The following ANO3 variants were observed in gnomAD, a reference collection of about 807,000 sequenced individuals.
ANO3 encodes the protein anoctamin 3.
Under a neutral mutation model 144.8 loss-of-function variants are expected in ANO3, and 99 were observed. That is an observed-to-expected ratio of 0.68 (90% confidence interval 0.58 to 0.81). The LOEUF is 0.81. Ranked by LOEUF, ANO3 falls within the 30% of genes least tolerant of loss-of-function variation. ANO3 has a pLI of 0.00. For synonymous variants in ANO3, 414 were observed against 392.6 expected, an observed-to-expected ratio of 1.05 and a Z score of -0.64; for missense variants, 905 against 1,202.2, an observed-to-expected ratio of 0.75 and a Z score of 3.66.
chr11:26,451,579 C>A (rs1043988413), intron 3 of ANO3, among the ~76,000 whole-genome samples: 3 of 152,210 alleles, frequency 2.0e-5, no homozygotes, highest in Admixed American at 6.5e-5. Context: ...ACAAAGCAGG[C>A]AGGAAGCTCC....
intron 1 of ANO3, among the ~76,000 whole-genome samples, chr11:26,378,099 GC>G (rs1856464644): frequency 6.6e-6 from 1 of 151,846 alleles, no homozygotes; most frequent in Admixed American, 6.6e-5. Context: ...TAGACTGAAG[GC>G]CTGATATGCA....
chr11:26,651,057 AT>A lies in ANO3; in HGVS notation c.2576+3209del, dbSNP rs557275417. ...CCACTTTGAGCCTAAAAGCTTCCCA[AT>A]TTTTTTTCTGATAAAAATAAATGGT... On this transcript the variant is annotated intron_variant, in intron 24 of 26. Coordinates refer to ENST00000256737, the MANE Select transcript of ANO3 (RefSeq NM_031418.4). Among the ~76,000 whole-genome samples, 157 of 152,042 alleles carry A rather than the reference AT, an allele frequency of 1.0e-3. 1 individual carries two copies. The highest frequency in any genetic ancestry group is 3.4e-3 in the Middle Eastern group (1 of 292).
At chr11:26,195,146 A>C (rs1437145187) in intron 1 of ANO3, among the ~76,000 whole-genome samples, 1 of 152,232 alleles carries the variant, frequency 6.6e-6, no homozygotes, top group Non-Finnish European at 1.5e-5. Context: ...TGGCTGCACG[A>C]GGACCTTGGT....
chr11:26,621,587 G>T (rs911425219), intron 17 of ANO3, among the ~76,000 whole-genome samples: 2 of 151,836 alleles, frequency 1.3e-5, no homozygotes, highest in Non-Finnish European at 2.9e-5. Flanking sequence ...CTCTCTATCC[G>T]CTCTGCCTGC....
At chr11:26,354,375 G>A (rs1855722679) in intron 1 of ANO3, among the ~76,000 whole-genome samples, 1 of 152,218 alleles carries the variant, frequency 6.6e-6, no homozygotes, top group Admixed American at 6.5e-5. Context: ...ACACTGGATA[G>A]TGATGATGGC....
intron 20 of ANO3, among the ~76,000 whole-genome samples, chr11:26,636,477 T>C (rs1377974483): frequency 6.6e-6 from 1 of 152,238 alleles, no homozygotes; most frequent in Non-Finnish European, 1.5e-5. Context: ...GCTTACTACA[T>C]GCTAGTGTAC....
chr11:26,515,359 C>A (rs750538273), intron 5 of ANO3, among the ~76,000 whole-genome samples: 2 of 150,790 alleles, frequency 1.3e-5, no homozygotes, highest in Non-Finnish European at 3.0e-5. Context: ...TTAGCAAATG[C>A]ATGCATATTA....
intron 26 of ANO3, among the ~76,000 whole-genome samples, chr11:26,656,811 G>T (rs1385309631): frequency 6.6e-6 from 1 of 152,072 alleles, no homozygotes; most frequent in Non-Finnish European, 1.5e-5. Flanking sequence ...TCCAATAAAA[G>T]AATCCATATC....
At chr11:26,376,676 A>C (rs2133944879) in intron 1 of ANO3, among the ~76,000 whole-genome samples, 1 of 152,168 alleles carries the variant, frequency 6.6e-6, no homozygotes, top group African/African-American at 2.4e-5. Flanking sequence ...AAAGAATAAC[A>C]GTTTTGAAAG....
chr11:26,476,920 T>TGAGA (rs1565048216), intron 4 of ANO3, among the ~76,000 whole-genome samples: 1 of 144,950 alleles, frequency 6.9e-6, no homozygotes, highest in African/African-American at 2.6e-5. Flanking sequence ...TGTGTGTGTG[T>TGAGA]GTGTGTGTGT....
intron 17 of ANO3, among the ~76,000 whole-genome samples, chr11:26,606,140 T>TGTA (rs887346304): frequency 4.8e-4 from 73 of 152,350 alleles, no homozygotes; most frequent in African/African-American, 1.6e-3. Flanking sequence ...TGTTGTGTCT[T>TGTA]TGTTCTCACT....
upstream of ANO3, chr11:26,331,278 C>T (rs547420857): frequency 1.3e-5 from 2 of 152,242 alleles, no homozygotes; most frequent in South Asian, 2.1e-4. Context: ...CCATGGCATA[C>T]GTTTACCTAT....
intron 4 of ANO3, among the ~76,000 whole-genome samples, chr11:26,493,142 A>C (rs138283593): frequency 6.6e-6 from 1 of 152,326 alleles, no homozygotes; most frequent in Admixed American, 6.5e-5. Context: ...CTGGGACTGA[A>C]TAGGCATTCA....
At chr11:26,455,362 C>A (rs1158807435) in intron 3 of ANO3, among the ~76,000 whole-genome samples, 2 of 151,214 alleles carry the variant, frequency 1.3e-5, no homozygotes, top group African/African-American at 4.9e-5. Context: ...AGCTGATAAG[C>A]AACTTCAGCA....
chr11:26,211,429 A>G (rs1434985959), intron 1 of ANO3, among the ~76,000 whole-genome samples: 1 of 151,600 alleles, frequency 6.6e-6, no homozygotes, highest in Admixed American at 6.6e-5. Context: ...TCGACATCCT[A>G]ACATTTATGT....
intron 4 of ANO3, among the ~76,000 whole-genome samples, chr11:26,490,322 A>G (rs1387664125): frequency 6.6e-6 from 1 of 151,974 alleles, no homozygotes; most frequent in Non-Finnish European, 1.5e-5. Context: ...ATCCAATTAA[A>G]CCTCTTTTTG....
At chr11:26,580,296 C>G (rs1851095630) in intron 14 of ANO3, among the ~76,000 whole-genome samples, 1 of 152,048 alleles carries the variant, frequency 6.6e-6, no homozygotes, top group South Asian at 2.1e-4. Context: ...AGTCTTTCCT[C>G]TTTCTCTAGC....
rs780540064 is a variant in ANO3, at chr11:26,508,098, T to C, written c.433-6T>C. 2.5e-6 allele frequency: 4 copies of C among 1,570,810 alleles called. No individual in the cohort carries two copies. The East Asian group carries it at 9.5e-5, about 37-fold the overall frequency. On this transcript the variant is annotated splice_polypyrimidine_tract_variant and splice_region_variant and intron_variant, in intron 4 of 26. Coordinates refer to ENST00000256737, the MANE Select transcript of ANO3 (RefSeq NM_031418.4). ...ACACCATTAACAATCATTGCTTTAT[T>C]TGCAGAATGACATGAATTACATAGC...
intron 1 of ANO3, among the ~76,000 whole-genome samples, chr11:26,432,813 AT>A (rs1858163535): frequency 6.6e-6 from 1 of 152,162 alleles, no homozygotes; most frequent in South Asian, 2.1e-4. Flanking sequence ...GTCCTGTAGT[AT>A]AGTTTGAAGT....
Sources: gnomAD v4.1 joint callset for allele counts (sites outside exome capture counted in the v4.1 genomes callset) on GRCh38, gnomAD v4.1.1 for gene constraint, MANE v1.5 for transcripts, NCBI Gene and HGNC (gene_info 2026-07-23, HGNC 2026-07-21) for gene names.